Variants in MAST2 observed in about 807,000 individuals in gnomAD.
The protein encoded by MAST2 is microtubule associated serine/threonine kinase 2, also known as microtubule-associated serine/threonine-protein kinase 2.
MAST2 carries 70 observed loss-of-function variants against 147.4 expected under a neutral mutation model. That is an observed-to-expected ratio of 0.47 (90% CI 0.39 to 0.58). The LOEUF (loss-of-function observed/expected upper bound fraction) is 0.58, where lower values mean the gene tolerates loss of function less well. Ranked by LOEUF, MAST2 falls within the 20% of genes least tolerant of loss-of-function variation. The pLI is 0.00. For synonymous variants in MAST2, 869 were observed against 896.8 expected, an observed-to-expected ratio of 0.97 and a Z score of 0.55; for missense variants, 2,080 against 2,302.3, an observed-to-expected ratio of 0.90 and a Z score of 1.98.
chr1:45,848,887 A>G (rs551163353), intron 3 of MAST2, among the ~76,000 whole-genome samples: 69 of 152,316 alleles, frequency 4.5e-4, no homozygotes, highest in African/African-American at 1.6e-3. Context: ...GCAAAGTTTC[A>G]GGACACCAAA....
chr1:45,905,548 G>A (rs1160197694), intron 4 of MAST2, among the ~76,000 whole-genome samples: 1 of 152,164 alleles, frequency 6.6e-6, no homozygotes, highest in South Asian at 2.1e-4. Flanking sequence ...GGAGGCCAAG[G>A]CGCGGATCAC....
intron 3 of MAST2, among the ~76,000 whole-genome samples, chr1:45,851,020 A>G (rs886331832): frequency 1.3e-5 from 2 of 151,970 alleles, no homozygotes; most frequent in Admixed American, 6.6e-5. Flanking sequence ...TGGTAGTTTG[A>G]TAAGAATTAT....
chr1:45,832,153 A>T (rs1044615252), intron 3 of MAST2, among the ~76,000 whole-genome samples: 5 of 152,132 alleles, frequency 3.3e-5, no homozygotes, highest in Non-Finnish European at 7.4e-5. Context: ...CAACATGTCT[A>T]TTAAAGCCTC....
Position 46,032,214 on chromosome 1 carries a change from C to T in MAST2, c.3224C>T (p.Ser1075Phe), listed in dbSNP as rs1250923146. 4 of 1,614,094 alleles carry T rather than the reference C, an allele frequency of 2.5e-6. No homozygotes were observed. In the African/African-American group the frequency reaches 5.3e-5, roughly 22 times the overall value. ...TGCTCCCCGTTGGCCAGCCCCATGT[C>T]CCCACATTCTCAGTCGTCCAACCCA... ...HTCSPLASPM[S>F]PHSQSSNPSS... Residue 1075 changes from serine (S) to phenylalanine (F), a missense_variant, in exon 25 of 29, where the codon TCC becomes TTC. Transcript: ENST00000361297.
At chr1:45,928,973 A>C (rs542014046) in intron 4 of MAST2, among the ~76,000 whole-genome samples, 9 of 151,872 alleles carry the variant, frequency 5.9e-5, no homozygotes, top group African/African-American at 2.2e-4. Context: ...TATTTCCTAT[A>C]AACTGGGGGC....
chr1:45,977,216 C>T (rs1048266919), intron 5 of MAST2, among the ~76,000 whole-genome samples: 16 of 152,150 alleles, frequency 1.1e-4, no homozygotes, highest in African/African-American at 3.6e-4. Context: ...TCACCGGGCA[C>T]GTGGCTCATG....
intron 4 of MAST2, among the ~76,000 whole-genome samples, chr1:45,925,457 C>T (rs1166672040): frequency 6.6e-6 from 1 of 152,124 alleles, no homozygotes; most frequent in East Asian, 1.9e-4. Context: ...TTGATTGGCA[C>T]TCAGATGGGG....
chr1:46,034,614 G>C lies in MAST2; in HGVS notation c.3945G>C (p.Arg1315=), dbSNP rs1646822908. Residue 1315 remains arginine, a synonymous_variant, in exon 29 of 29, where the codon CGG becomes CGC. Coordinates refer to ENST00000361297, the MANE Select transcript of MAST2 (RefSeq NM_015112.3). The part of the protein sequence containing the change: ...PSSPAGSGHT[R]PSSLHGLAPK... ...CCCCAGCCGGCTCTGGGCACACACGGCCCAGCTCCCTCCACGGTCTGGCAC... is the reference window on the plus strand; with the variant it reads ...CCCCAGCCGGCTCTGGGCACACACGCCCCAGCTCCCTCCACGGTCTGGCAC... The C allele has an allele frequency of 6.2e-7, 1 of 1,614,062 alleles. No individual in the cohort carries two copies. Among genetic ancestry groups the C allele is most frequent in the Non-Finnish European group, 8.5e-7 (1 of 1,180,018 alleles).
At chr1:45,890,268 G>A (rs1647529514) in intron 4 of MAST2, among the ~76,000 whole-genome samples, 1 of 152,200 alleles carries the variant, frequency 6.6e-6, no homozygotes, top group Non-Finnish European at 1.5e-5. Flanking sequence ...TTTTCCCGTT[G>A]TGTAGTATGT....
intron 15 of MAST2, among the ~76,000 whole-genome samples, chr1:46,024,856 T>A (rs1205507230): frequency 6.6e-6 from 1 of 152,190 alleles, no homozygotes; most frequent in Non-Finnish European, 1.5e-5. Context: ...ATTTTCATGC[T>A]GCTAATAAAG....
chr1:46,016,549 C>T (rs1411528240), intron 10 of MAST2, among the ~76,000 whole-genome samples: 1 of 151,904 alleles, frequency 6.6e-6, no homozygotes, highest in Non-Finnish European at 1.5e-5. Flanking sequence ...AGACAAACAG[C>T]CAAATCATGA....
intron 3 of MAST2, among the ~76,000 whole-genome samples, chr1:45,860,201 T>TACAC (rs777498021): frequency 0.032 from 4,603 of 144,082 alleles, 93 homozygotes; most frequent in African/African-American, 0.049. Flanking sequence ...CTACTAAAAA[T>TACAC]ACACACACAC....
At chr1:45,991,467 A>G (rs1189347058) in intron 5 of MAST2, among the ~76,000 whole-genome samples, 1 of 152,208 alleles carries the variant, frequency 6.6e-6, no homozygotes, top group East Asian at 1.9e-4. Flanking sequence ...CGTAGATCAA[A>G]TTGCTTATAA....
In MAST2 at chr1:46,022,978, AC is replaced by A; in HGVS notation, c.1485+10del. ...GACAGATGATTCTATTGAGGTAAAAACCCTGAGCTCCTACCCCATTCCTGGA... is the reference window on the plus strand; with the variant it reads ...GACAGATGATTCTATTGAGGTAAAAACCTGAGCTCCTACCCCATTCCTGGA... On this transcript the variant is annotated splice_region_variant and intron_variant, in intron 13 of 28. Transcript: ENST00000361297. 1.1e-5 allele frequency: 18 copies of A among 1,613,598 alleles called. No homozygotes were observed. Among genetic ancestry groups the A allele is most frequent in the Non-Finnish European group, 1.5e-5 (18 of 1,179,628 alleles).
chr1:45,992,395 G>C (rs1644887567), intron 5 of MAST2, among the ~76,000 whole-genome samples: 1 of 152,046 alleles, frequency 6.6e-6, no homozygotes, highest in Non-Finnish European at 1.5e-5. Flanking sequence ...AATTCTATTT[G>C]GTGATGGTAT....
intron 4 of MAST2, among the ~76,000 whole-genome samples, chr1:45,924,116 A>C (rs1444568924): frequency 1.3e-5 from 2 of 152,062 alleles, no homozygotes; most frequent in South Asian, 2.1e-4. Context: ...TGACCTGCCC[A>C]CTTCAGCCTC....
intron 3 of MAST2, among the ~76,000 whole-genome samples, chr1:45,851,038 C>A (rs1335704906): frequency 6.6e-6 from 1 of 151,996 alleles, no homozygotes; most frequent in Non-Finnish European, 1.5e-5. Flanking sequence ...TATGCTGAAT[C>A]TGTAGATTGA....
At chr1:45,847,187 A>G (rs1645464647) in intron 3 of MAST2, 1 of 525,556 alleles carries the variant, frequency 1.9e-6, no homozygotes, top group South Asian at 1.4e-5. Flanking sequence ...ATGTTTTCAG[A>G]TTACTTGCAT....
In MAST2 at chr1:46,031,524, C is replaced by T. The variant is rs748154124; in HGVS notation, c.3126C>T (p.Arg1042=). 22 of 1,614,044 alleles carry T rather than the reference C, an allele frequency of 1.4e-5. No individual in the cohort carries two copies. Among genetic ancestry groups the T allele is most frequent in the Non-Finnish European group, 1.8e-5 (21 of 1,180,020 alleles). ...ACTCAACAGAGAAGCGCACTGCTCGCCCTGTCAACAAAGTGATCAAGTCCG... is the reference window on the plus strand; with the variant it reads ...ACTCAACAGAGAAGCGCACTGCTCGTCCTGTCAACAAAGTGATCAAGTCCG... ...SGDSTEKRTA[R]PVNKVIKSAS... is the part of the protein sequence containing the mutation. The change falls in exon 24 of 29, where the codon CGC becomes CGT. Residue 1042 remains arginine (R), a synonymous_variant. Coordinates refer to ENST00000361297, the MANE Select transcript of MAST2 (RefSeq NM_015112.3). This position sits in a 1 kb window ranked among gnomAD's most constrained non-coding sequence, Gnocchi z 4.1.
Sources: allele counts gnomAD v4.1 joint callset (sites outside exome capture counted in the v4.1 genomes callset), GRCh38; gene constraint gnomAD v4.1.1; non-coding constraint Gnocchi (gnomAD v3.1); transcripts MANE v1.5; gene names NCBI Gene and HGNC (gene_info 2026-07-23, HGNC 2026-07-21).